RIC1: variants seen among roughly 807,000 people sequenced by gnomAD.
The protein encoded by RIC1 is guanine nucleotide exchange factor subunit RIC1.
In RIC1, 88 loss-of-function variants were observed where a neutral mutation model predicts 169.0. That is an observed-to-expected ratio of 0.52 (90% CI 0.44 to 0.62). The LOEUF is 0.62. Among genes scored for constraint, RIC1 ranks in the 20% least tolerant of loss-of-function variants. RIC1 has a pLI of 0.00. For synonymous variants in RIC1, 790 were observed against 601.5 expected (o/e 1.31, Z -4.59); for missense variants, 1,877 against 1,725.5 (o/e 1.09, Z -1.56).
intron 2 of RIC1, among the ~76,000 whole-genome samples, chr9:5,685,331 C>G (rs946423522): frequency 4.6e-5 from 7 of 151,358 alleles, no homozygotes. Flanking sequence ...CAATCCTAAG[C>G]CAAAAGAACA....
chr9:5,695,235 A>G (rs940902387), intron 3 of RIC1, among the ~76,000 whole-genome samples: 3 of 152,160 alleles, frequency 2.0e-5, no homozygotes, highest in African/African-American at 7.2e-5. Context: ...AAAATTCATA[A>G]GAAGATACCG....
At chr9:5,732,953 ATTAT>A (rs1824459841) in intron 7 of RIC1, among the ~76,000 whole-genome samples, 1 of 152,150 alleles carries the variant, frequency 6.6e-6, no homozygotes, top group South Asian at 2.1e-4. Flanking sequence ...ATTGAATAAA[ATTAT>A]TTATTCAACA....
At chr9:5,660,938 C>T (rs991443550) in intron 2 of RIC1, among the ~76,000 whole-genome samples, 1 of 152,020 alleles carries the variant, frequency 6.6e-6, no homozygotes, top group African/African-American at 2.4e-5. Context: ...TGCCTGTGTC[C>T]CAAATGGTAT....
intron 2 of RIC1, among the ~76,000 whole-genome samples, chr9:5,679,778 A>G (rs1242337897): frequency 6.6e-6 from 1 of 152,232 alleles, no homozygotes; most frequent in Non-Finnish European, 1.5e-5. Flanking sequence ...CAATCATGTC[A>G]TCTGCAGACA....
chr9:5,678,261 G>C (rs1297735257), intron 2 of RIC1, among the ~76,000 whole-genome samples: 1 of 152,126 alleles, frequency 6.6e-6, no homozygotes, highest in Non-Finnish European at 1.5e-5. Flanking sequence ...TGGACATTTG[G>C]CTTGGTTTCA....
intron 19 of RIC1, among the ~76,000 whole-genome samples, chr9:5,764,440 A>G (rs888387395): frequency 6.6e-6 from 1 of 152,032 alleles, no homozygotes; most frequent in East Asian, 1.9e-4. Flanking sequence ...CTTCTTTGCA[A>G]CTCCTGAAAA....
At chr9:5,756,449 A>T in intron 16 of RIC1, 77 bp downstream of exon 16, 1 of 992,742 alleles carries the variant, frequency 1.0e-6, no homozygotes, top group Non-Finnish European at 1.4e-6. Flanking sequence ...TGTTTTCTCA[A>T]AACAGTTATT....
chr9:5,658,217 T>C (rs1336037752), intron 2 of RIC1, among the ~76,000 whole-genome samples: 2 of 152,168 alleles, frequency 1.3e-5, no homozygotes, highest in Non-Finnish European at 2.9e-5. Flanking sequence ...TGGTTTCTTT[T>C]ATTATTGAAT....
At chr9:5,664,180 C>A (rs755348772) in intron 2 of RIC1, among the ~76,000 whole-genome samples, 2 of 151,798 alleles carry the variant, frequency 1.3e-5, no homozygotes, top group African/African-American at 4.8e-5. Flanking sequence ...GAGGCCAAGG[C>A]GGGCGGATAA....
chr9:5,701,616 C>T (rs867370611), intron 3 of RIC1, among the ~76,000 whole-genome samples: 61 of 151,242 alleles, frequency 4.0e-4, no homozygotes, highest in Admixed American at 7.9e-4. Context: ...AAGAAAAGTT[C>T]AGTTACATTT....
At chr9:5,764,711 C>T (rs990176317) in intron 19 of RIC1, among the ~76,000 whole-genome samples, 3 of 152,286 alleles carry the variant, frequency 2.0e-5, no homozygotes, top group Non-Finnish European at 4.4e-5. Context: ...AAGAAAAAGA[C>T]ATAGGGTTTT....
intron 15 of RIC1, among the ~76,000 whole-genome samples, chr9:5,755,189 A>C (rs1825934501): frequency 6.6e-6 from 1 of 152,202 alleles, no homozygotes; most frequent in South Asian, 2.1e-4. Flanking sequence ...TTTGAAAATA[A>C]AGAGTTAAAA....
chr9:5,651,197 C>A (rs546310743), intron 1 of RIC1, among the ~76,000 whole-genome samples: 9 of 152,272 alleles, frequency 5.9e-5, no homozygotes, highest in South Asian at 2.1e-4. Flanking sequence ...ACCTTTCCCC[C>A]ACACTGGAGA....
At chr9:5,713,369 A>G (rs1339118598) in intron 3 of RIC1, 1 of 152,390 alleles carries the variant, frequency 6.6e-6, no homozygotes, top group Non-Finnish European at 1.5e-5. Context: ...AATTTTAGGT[A>G]TTTAGCTACT....
chr9:5,657,612 C>G (rs1022295823), intron 2 of RIC1, among the ~76,000 whole-genome samples: 1 of 152,072 alleles, frequency 6.6e-6, no homozygotes, highest in Non-Finnish European at 1.5e-5. Flanking sequence ...TTTACTATAT[C>G]CTTATATCTA....
At chr9:5,715,781 TTTCCCCTCCCCTCCC>T (rs762913391) in intron 4 of RIC1, among the ~76,000 whole-genome samples, 11 of 151,114 alleles carry the variant, frequency 7.3e-5, no homozygotes, top group Non-Finnish European at 1.5e-4. Context: ...TTAATGAGAG[TTTCCCCTCCCCTCCC>T]TTCCCCTCCC....
chr9:5,751,177 G>C (rs1338965766), intron 12 of RIC1, among the ~76,000 whole-genome samples: 1 of 151,696 alleles, frequency 6.6e-6, no homozygotes, highest in Non-Finnish European at 1.5e-5. Context: ...GTTTGAGGGA[G>C]GTAAGGATTC....
intron 7 of RIC1, among the ~76,000 whole-genome samples, chr9:5,736,076 A>T (rs919616414): frequency 6.6e-6 from 1 of 152,242 alleles, no homozygotes; most frequent in Non-Finnish European, 1.5e-5. Context: ...TCAGACTTTT[A>T]TAAGTAGTAA....
chr9:5,629,571 C>G, intron 1 of RIC1, 118 bp downstream of exon 1: 2 of 1,122,724 alleles, frequency 1.8e-6, no homozygotes, highest in African/African-American at 3.3e-5. Flanking sequence ...ACCCACCTGC[C>G]TTCGCAGTCC....
Sources: gnomAD v4.1 joint callset for allele counts (sites outside exome capture counted in the v4.1 genomes callset) on GRCh38, gnomAD v4.1.1 for gene constraint, MANE v1.5 for transcripts, NCBI Gene and HGNC (gene_info 2026-07-23, HGNC 2026-07-21) for gene names.